SUMF1: variants seen among roughly 807,000 people sequenced by gnomAD.
The protein encoded by SUMF1 is sulfatase modifying factor 1, also known as formylglycine-generating enzyme.
A neutral mutation model predicts 47.6 loss-of-function variants in SUMF1; 48 were observed. That is an observed-to-expected ratio of 1.01 (90% CI 0.80 to 1.28). The LOEUF is 1.28. Ranked by LOEUF, SUMF1 falls within the 50% of genes most tolerant of loss-of-function variation. SUMF1 has a pLI of 0.00. For synonymous variants in SUMF1, 230 were observed against 192.1 expected, an observed-to-expected ratio of 1.20 and a Z score of -1.63; for missense variants, 571 against 485.4, an observed-to-expected ratio of 1.18 and a Z score of -1.66.
chr3:4,263,383 A>G (rs1490558656), intron 8 of SUMF1, among the ~76,000 whole-genome samples: 6 of 152,218 alleles, frequency 3.9e-5, no homozygotes, highest in East Asian at 1.9e-4. Flanking sequence ...GATGTTTTCA[A>G]AAAATCCAAG....
intron 8 of SUMF1, among the ~76,000 whole-genome samples, chr3:4,202,983 T>C (rs772213317): frequency 1.4e-4 from 22 of 151,932 alleles, no homozygotes; most frequent in Non-Finnish European, 2.1e-4. Flanking sequence ...AAGACTGATT[T>C]TGGGGTCTAA....
Position 4,410,885 on chromosome 3 carries a change from C to A in SUMF1, c.934G>T (p.Val312Phe). The A allele has an allele frequency of 6.2e-7, 1 of 1,614,032 alleles. No individual in the cohort carries two copies. Among genetic ancestry groups the A allele is most frequent in the Non-Finnish European group, 8.5e-7 (1 of 1,179,912 alleles). ...TSDWWTVHHS[V>F]EETLNPKGPP... ...CTCACTGGGTTAAGCGTTTCTTCAACAGAATGATGAACAGTCCACCAGTCT... is the reference window on the plus strand; with the variant it reads ...CTCACTGGGTTAAGCGTTTCTTCAAAAGAATGATGAACAGTCCACCAGTCT... The change falls in exon 7 of 9, where the codon GTT (valine) becomes TTT (phenylalanine). Residue 312 changes from valine to phenylalanine, a missense_variant. By Grantham distance (50) the Val-to-Phe change is conservative. Coordinates refer to ENST00000272902, the MANE Select transcript of SUMF1 (RefSeq NM_182760.4).
chr3:4,048,633 C>T (rs1335015949), intron 9 of SUMF1, among the ~76,000 whole-genome samples: 1 of 151,886 alleles, frequency 6.6e-6, no homozygotes, highest in Non-Finnish European at 1.5e-5. Context: ...ATTTTAATTT[C>T]CTTTTTTAGG....
chr3:4,374,078 C>T (rs913212451), intron 8 of SUMF1, among the ~76,000 whole-genome samples: 2 of 152,142 alleles, frequency 1.3e-5, no homozygotes, highest in South Asian at 4.1e-4. Context: ...ATTGCTAATA[C>T]ATATCCAATT....
chr3:4,255,138 C>G (rs1207150626), intron 8 of SUMF1, among the ~76,000 whole-genome samples: 1 of 150,090 alleles, frequency 6.7e-6, no homozygotes, highest in African/African-American at 2.4e-5. Flanking sequence ...AAGGAACAAT[C>G]GGTACCAGCC....
chr3:4,293,854 C>A (rs748431380), intron 8 of SUMF1, among the ~76,000 whole-genome samples: 79 of 152,176 alleles, frequency 5.2e-4, no homozygotes, highest in South Asian at 2.1e-4. Flanking sequence ...GGATGAAAAA[C>A]TGTTTATGTT....
chr3:4,334,380 A>G (rs62259850), intron 8 of SUMF1, among the ~76,000 whole-genome samples: 21,273 of 152,198 alleles, frequency 0.14, 1,513 homozygotes, highest in Middle Eastern at 0.19. Context: ...AACCACAGAC[A>G]CATGAGATGT....
intron 8 of SUMF1, among the ~76,000 whole-genome samples, chr3:4,129,516 T>A (rs1693734604): frequency 6.6e-6 from 1 of 152,126 alleles, no homozygotes; most frequent in African/African-American, 2.4e-5. Flanking sequence ...TCAATCAATT[T>A]TCAGACTTGA....
intron 8 of SUMF1, among the ~76,000 whole-genome samples, chr3:4,101,410 G>A (rs1363726184): frequency 6.6e-6 from 1 of 152,030 alleles, no homozygotes; most frequent in Admixed American, 6.6e-5. Context: ...AGACAAATAT[G>A]TGATCTCACT....
intron 9 of SUMF1, among the ~76,000 whole-genome samples, chr3:4,057,551 A>C (rs568024590): frequency 8.9e-4 from 136 of 152,310 alleles, no homozygotes; most frequent in African/African-American, 3.2e-3. Context: ...GGGTCAGCCT[A>C]GCTGCCTATC....
intron 8 of SUMF1, among the ~76,000 whole-genome samples, chr3:4,126,840 G>T (rs1311329373): frequency 2.0e-5 from 3 of 152,210 alleles, no homozygotes; most frequent in Admixed American, 2.0e-4. Context: ...GTAACTCAAT[G>T]AAAGCGGCAG....
intron 7 of SUMF1, among the ~76,000 whole-genome samples, chr3:4,406,125 TTAGA>T (rs1701368554): frequency 6.6e-6 from 1 of 151,994 alleles, no homozygotes; most frequent in South Asian, 2.1e-4. Flanking sequence ...AATATTATAA[TTAGA>T]TAGCCAAAAC....
intron 7 of SUMF1, among the ~76,000 whole-genome samples, chr3:4,390,927 G>A (rs902065611): frequency 3.9e-5 from 6 of 152,078 alleles, no homozygotes; most frequent in African/African-American, 1.2e-4. Flanking sequence ...GTTGTATTTA[G>A]TAAGAGGAAT....
intron 8 of SUMF1, among the ~76,000 whole-genome samples, chr3:4,215,489 C>A (rs950457163): frequency 1.3e-5 from 2 of 152,138 alleles, no homozygotes; most frequent in African/African-American, 4.8e-5. Context: ...CAGCACAAGG[C>A]AAGGATGCCC....
intron 8 of SUMF1, among the ~76,000 whole-genome samples, chr3:4,319,359 C>T (rs918947214): frequency 6.6e-6 from 1 of 152,072 alleles, no homozygotes; most frequent in Non-Finnish European, 1.5e-5. Flanking sequence ...GGTGCTGCAG[C>T]CAAGGAGAAT....
chr3:4,351,977 T>TA (rs1699512185), intron 8 of SUMF1, among the ~76,000 whole-genome samples: 1 of 152,202 alleles, frequency 6.6e-6, no homozygotes, highest in Non-Finnish European at 1.5e-5. Flanking sequence ...ACAAATCTAG[T>TA]AAGTGGTAGG....
intron 9 of SUMF1, among the ~76,000 whole-genome samples, chr3:4,057,533 G>A (rs1207882597): frequency 6.6e-6 from 1 of 152,160 alleles, no homozygotes; most frequent in Non-Finnish European, 1.5e-5. Context: ...TTACAACTGT[G>A]CCAACCTGGG....
intron 7 of SUMF1, among the ~76,000 whole-genome samples, chr3:4,396,430 G>A (rs867704301): frequency 6.6e-6 from 1 of 152,166 alleles, no homozygotes; most frequent in African/African-American, 2.4e-5. Flanking sequence ...GACTCCACAG[G>A]ATGAGCCCAG....
At chr3:4,296,435 T>G (rs1697852990) in intron 8 of SUMF1, among the ~76,000 whole-genome samples, 1 of 149,792 alleles carries the variant, frequency 6.7e-6, no homozygotes, top group African/African-American at 2.5e-5. Flanking sequence ...ACTGGGTAAT[T>G]TATAAAGGAA....
Sources: gnomAD v4.1 joint callset for allele counts (sites outside exome capture counted in the v4.1 genomes callset) on GRCh38, gnomAD v4.1.1 for gene constraint, MANE v1.5 for transcripts, NCBI Gene and HGNC (gene_info 2026-07-23, HGNC 2026-07-21) for gene names.